SLC22A4: variants seen among roughly 807,000 people sequenced by gnomAD.
SLC22A4 encodes the protein ET transporter.
SLC22A4 carries 39 observed loss-of-function variants against 56.6 expected under a neutral mutation model. That is an observed-to-expected ratio of 0.69 (90% CI 0.53 to 0.90). SLC22A4 has a LOEUF of 0.90. SLC22A4 is among the 40% of genes least tolerant of loss of function. The probability of loss-of-function intolerance (pLI) is 0.00; values close to 1 mark genes in which losing one functional copy is unlikely to be tolerated. For missense variants in SLC22A4, 594 were observed against 696.5 expected, an observed-to-expected ratio of 0.85 and a Z score of 1.66; for synonymous variants, 241 against 281.4, an observed-to-expected ratio of 0.86 and a Z score of 1.44.
Position 132,334,900 on chromosome 5 carries a change from G to A in SLC22A4, c.1229G>A (p.Gly410Asp). 4 of 1,613,634 alleles carry A rather than the reference G, an allele frequency of 2.5e-6. No homozygotes were observed. Among genetic ancestry groups the A allele is most frequent in the Non-Finnish European group, 3.4e-6 (4 of 1,179,774 alleles). The change falls in exon 7 of 10, where the codon GGT becomes GAT. Residue 410 changes from glycine to aspartate, a missense_variant. Physicochemically the swap from Gly to Asp is moderately conservative, Grantham distance 94 (BLOSUM62 -1). Coordinates refer to ENST00000200652, the MANE Select transcript of SLC22A4 (RefSeq NM_003059.3). ...IIAAVLFWGGGVLLFIQLVPV... is the reference protein window; with the variant it reads ...IIAAVLFWGGDVLLFIQLVPV... ...GCTGCAGTACTGTTCTGGGGAGGAG[G>A]TGTGCTTCTCTTCATTCAACTGGTA...
At chr5:132,326,558 G>C (rs1750695118) in intron 4 of SLC22A4, among the ~76,000 whole-genome samples, 3 of 152,174 alleles carry the variant, frequency 2.0e-5, no homozygotes, top group Admixed American at 2.0e-4. Flanking sequence ...AAAAGATTTT[G>C]AGAAATAAAA....
chr5:132,332,962 G>A (rs988254624), intron 6 of SLC22A4, among the ~76,000 whole-genome samples: 2 of 152,140 alleles, frequency 1.3e-5, no homozygotes, highest in East Asian at 1.9e-4. Context: ...TTGGGTAGTG[G>A]TGCTACTAAG....
intron 4 of SLC22A4, among the ~76,000 whole-genome samples, chr5:132,324,240 A>AG (rs1194417627): frequency 1.3e-4 from 11 of 86,896 alleles, no homozygotes; most frequent in East Asian, 8.6e-4. Context: ...TATCAGAGAG[A>AG]AAGAGAGAGA....
At chr5:132,325,783 T>C (rs992537021) in intron 4 of SLC22A4, among the ~76,000 whole-genome samples, 1 of 152,186 alleles carries the variant, frequency 6.6e-6, no homozygotes, top group Non-Finnish European at 1.5e-5. Flanking sequence ...CAGACACGAC[T>C]CCAGAGGCAG....
chr5:132,335,746 C>G, intron 7 of SLC22A4, 72 bp from the exon 8 acceptor site: 1 of 1,269,038 alleles, frequency 7.9e-7, no homozygotes, highest in South Asian at 1.2e-5. Flanking sequence ...GCAAAAAGGA[C>G]AATAAAAATA....
chr5:132,335,452 C>T (rs1750992775), intron 7 of SLC22A4, among the ~76,000 whole-genome samples: 1 of 152,150 alleles, frequency 6.6e-6, no homozygotes, highest in Non-Finnish European at 1.5e-5. Flanking sequence ...ATACATATTT[C>T]TTAATAATAA....
intron 2 of SLC22A4, 42 bp downstream of exon 2, chr5:132,312,306 G>GTCAA (rs1385837356): frequency 8.6e-7 from 1 of 1,159,776 alleles, no homozygotes; most frequent in Non-Finnish European, 1.3e-6. Flanking sequence ...GGTGCCCCTT[G>GTCAA]TCAATCACTG....
At chr5:132,330,582 C>T (rs1750826954) in intron 5 of SLC22A4, among the ~76,000 whole-genome samples, 1 of 151,944 alleles carries the variant, frequency 6.6e-6, no homozygotes, top group Non-Finnish European at 1.5e-5. Flanking sequence ...AAAAATTAGC[C>T]AGGTGTGGTG....
chr5:132,336,120 T>G (rs1751020092), intron 8 of SLC22A4, 120 bp downstream of exon 8: 2 of 1,020,376 alleles, frequency 2.0e-6, no homozygotes, highest in Admixed American at 2.0e-5. Context: ...CAAGTTCACC[T>G]CTCCTCTCCC....
chr5:132,331,682 C>T (rs1750862889), intron 5 of SLC22A4, 74 bp from the exon 6 acceptor site: 2 of 1,054,858 alleles, frequency 1.9e-6, no homozygotes, highest in South Asian at 2.5e-5. Flanking sequence ...ATAAGTTTTC[C>T]CCATGCATCA....
chr5:132,298,327 A>C (rs1190284564), intron 1 of SLC22A4, among the ~76,000 whole-genome samples: 2 of 152,254 alleles, frequency 1.3e-5, no homozygotes, highest in Non-Finnish European at 2.9e-5. Flanking sequence ...ACATGCTACA[A>C]CGTGGATAAA....
At chr5:132,302,193 G>C (rs1355929846) in intron 1 of SLC22A4, among the ~76,000 whole-genome samples, 1 of 151,976 alleles carries the variant, frequency 6.6e-6, no homozygotes, top group Non-Finnish European at 1.5e-5. Context: ...CTTTTGTTCA[G>C]AGGCTGCTTC....
intron 4 of SLC22A4, chr5:132,324,318 G>T (rs903670974): frequency 1.3e-4 from 46 of 345,396 alleles, no homozygotes; most frequent in African/African-American, 9.4e-4. Context: ...TTTGCCTCGG[G>T]ACCATATGTC....
intron 4 of SLC22A4, among the ~76,000 whole-genome samples, chr5:132,323,551 A>T (rs1482073451): frequency 6.6e-6 from 1 of 152,200 alleles, no homozygotes; most frequent in Non-Finnish European, 1.5e-5. Context: ...CTGATTTGCA[A>T]CATTCCTCTG....
chr5:132,324,241 A>G (rs201375177), intron 4 of SLC22A4, among the ~76,000 whole-genome samples: 4 of 150,702 alleles, frequency 2.7e-5, no homozygotes, highest in African/African-American at 7.3e-5. Context: ...ATCAGAGAGA[A>G]AGAGAGAGAG....
rs1750200629 is a variant in SLC22A4, at chr5:132,312,178, G to A, written c.411G>A (p.Glu137=). 6.2e-7 allele frequency: 1 copy of A among 1,611,300 alleles called. No homozygotes were observed. Among genetic ancestry groups the A allele is most frequent in the African/African-American group, 1.3e-5 (1 of 75,010 alleles). The change falls in exon 2 of 10, where the codon GAG becomes GAA. Residue 137 remains glutamate (E), a synonymous_variant. Transcript: ENST00000200652. ...CTTGGCAGTGGAATCTGGTGTGTGA[G>A]GACAACTGGAAGGTGCCCCTCACCA... ...TVVTEWNLVC[E]DNWKVPLTTS... is the part of the protein sequence containing the mutation.
chr5:132,299,715 A>G (rs754943827), intron 1 of SLC22A4, among the ~76,000 whole-genome samples: 23 of 152,114 alleles, frequency 1.5e-4, no homozygotes, highest in Non-Finnish European at 3.1e-4. Flanking sequence ...CGGCCTCCCA[A>G]AGTGTTGGGA....
intron 1 of SLC22A4, among the ~76,000 whole-genome samples, chr5:132,306,501 C>A (rs1376088873): frequency 1.5e-5 from 2 of 135,702 alleles, no homozygotes; most frequent in Admixed American, 1.6e-4. Context: ...GGCTGGAGTG[C>A]AGTGGTGTGA....
Position 132,327,382 on chromosome 5 carries a change from A to C in SLC22A4, c.930A>C (p.Ala310=). ...AAATGAACAACATAGCTGTACCAGC[A>C]GTGATATTTGATTCTGTGGAGGTAA... ...AAKMNNIAVP[A]VIFDSVEELN... is the part of the protein sequence containing the mutation. The change falls in exon 5 of 10, where the codon GCA becomes GCC. Residue 310 remains alanine (A), a synonymous_variant. Transcript: ENST00000200652. 6.2e-7 allele frequency: 1 copy of C among 1,611,366 alleles called. No homozygotes were observed. Among genetic ancestry groups the C allele is most frequent in the Non-Finnish European group, 8.5e-7 (1 of 1,177,460 alleles).
Sources: allele counts gnomAD v4.1 joint callset (sites outside exome capture counted in the v4.1 genomes callset), GRCh38; gene constraint gnomAD v4.1.1; transcripts MANE v1.5; gene names NCBI Gene and HGNC (gene_info 2026-07-23, HGNC 2026-07-21).